The following PLPPR1 variants were observed in gnomAD, a reference collection of about 807,000 sequenced individuals.
PLPPR1 encodes phospholipid phosphatase-related protein type 1.
PLPPR1 carries 10 observed loss-of-function variants against 33.1 expected under a neutral mutation model. That is an observed-to-expected ratio of 0.30 (90% CI 0.19 to 0.51). The LOEUF is 0.51. Ranked by LOEUF, PLPPR1 falls within the 20% of genes least tolerant of loss-of-function variation. PLPPR1 has a pLI of 0.97. For synonymous variants in PLPPR1, 151 were observed against 151.0 expected, an observed-to-expected ratio of 1.00 and a Z score of 0.00; for missense variants, 304 against 408.1, an observed-to-expected ratio of 0.74 and a Z score of 2.20.
chr9:101,099,083 A>AGGCCGGGCGCG (rs1564144178), intron 1 of PLPPR1, among the ~76,000 whole-genome samples: 3 of 150,446 alleles, frequency 2.0e-5, no homozygotes, highest in African/African-American at 7.4e-5. Flanking sequence ...AAATAAGTCT[A>AGGCCGGGCGCG]ATGGATGTGG....
intron 2 of PLPPR1, among the ~76,000 whole-genome samples, chr9:101,200,330 C>T (rs1826469879): frequency 6.6e-6 from 1 of 152,102 alleles, no homozygotes; most frequent in South Asian, 2.1e-4. Flanking sequence ...CTCCCTTTCC[C>T]ATCCTATCCC....
At position 101,138,447 on chromosome 9, in the gene PLPPR1, G is replaced by A. The variant is rs143535677; in HGVS notation, c.-45-47003G>A. ...ATTGAAAGAATTAATGAATTTAAAG[G>A]TTTACTGCATGCTGGGTGCTGTACT... On this transcript the variant is annotated intron_variant, in intron 1 of 7. Transcript: ENST00000374874. 3.9e-5 allele frequency among the ~76,000 whole-genome samples: 6 copies of A among 152,224 alleles called. No homozygotes were observed. The East Asian group carries it at 5.8e-4, about 15-fold the overall frequency.
chr9:101,128,090 G>C (rs891189610), intron 1 of PLPPR1, among the ~76,000 whole-genome samples: 6 of 152,186 alleles, frequency 3.9e-5, no homozygotes, highest in African/African-American at 1.4e-4. Flanking sequence ...TAAGCACTAT[G>C]AGAATTGTGC....
At chr9:101,121,977 A>G (rs1831182577) in intron 1 of PLPPR1, among the ~76,000 whole-genome samples, 3 of 152,236 alleles carry the variant, frequency 2.0e-5, no homozygotes, top group African/African-American at 7.2e-5. Flanking sequence ...GGCCAGTGCC[A>G]CACCAAGGAA....
At chr9:101,144,900 A>T (rs769174928) in intron 1 of PLPPR1, among the ~76,000 whole-genome samples, 4 of 152,216 alleles carry the variant, frequency 2.6e-5, no homozygotes, top group Non-Finnish European at 5.9e-5. Context: ...TACTCACAGC[A>T]CTTTCAACAT....
intron 1 of PLPPR1, among the ~76,000 whole-genome samples, chr9:101,118,351 A>G (rs1167578957): frequency 1.3e-5 from 2 of 152,220 alleles, no homozygotes; most frequent in East Asian, 1.9e-4. Flanking sequence ...TTCAGACCTT[A>G]CAGATCAAAA....
At chr9:101,257,430 A>G (rs1023477932) in intron 2 of PLPPR1, among the ~76,000 whole-genome samples, 3 of 152,178 alleles carry the variant, frequency 2.0e-5, no homozygotes, top group Non-Finnish European at 4.4e-5. Flanking sequence ...GCCTGTGCTA[A>G]ACTGGGGTTA....
chr9:101,135,530 C>T (rs969361337), intron 1 of PLPPR1, among the ~76,000 whole-genome samples: 1 of 152,158 alleles, frequency 6.6e-6, no homozygotes, highest in Non-Finnish European at 1.5e-5. Flanking sequence ...TACCAACTAC[C>T]TCAAGATCAA....
chr9:101,122,357 A>G (rs1259332425), intron 1 of PLPPR1, among the ~76,000 whole-genome samples: 1 of 152,198 alleles, frequency 6.6e-6, no homozygotes, highest in Non-Finnish European at 1.5e-5. Flanking sequence ...TAATAATATT[A>G]CCAGCAAACA....
At chr9:101,046,564 C>T (rs754230477) in intron 1 of PLPPR1, among the ~76,000 whole-genome samples, 17 of 151,632 alleles carry the variant, frequency 1.1e-4, no homozygotes, top group Admixed American at 5.3e-4. Flanking sequence ...CTCAGCCTCC[C>T]GAGTAGCTGG....
chr9:101,189,834 T>C (rs1305029690), intron 2 of PLPPR1, among the ~76,000 whole-genome samples: 1 of 152,154 alleles, frequency 6.6e-6, no homozygotes, highest in Non-Finnish European at 1.5e-5. Context: ...TTAGTTTGTC[T>C]TTAATTATAT....
intron 4 of PLPPR1, among the ~76,000 whole-genome samples, chr9:101,305,935 G>A (rs895069820): frequency 1.3e-5 from 2 of 152,086 alleles, no homozygotes; most frequent in Non-Finnish European, 2.9e-5. Context: ...GTAAAACCCT[G>A]AGAAAAAAGT....
intron 1 of PLPPR1, among the ~76,000 whole-genome samples, chr9:101,131,934 C>G (rs982144198): frequency 7.2e-5 from 11 of 152,200 alleles, no homozygotes; most frequent in Non-Finnish European, 1.5e-4. Flanking sequence ...GTGTCTGCCT[C>G]ATAGCATTGT....
intron 1 of PLPPR1, among the ~76,000 whole-genome samples, chr9:101,055,561 T>A (rs1245516929): frequency 6.6e-6 from 1 of 152,244 alleles, no homozygotes; most frequent in Non-Finnish European, 1.5e-5. Flanking sequence ...TCTTAAATAC[T>A]TTATGCTATC....
chr9:101,077,683 C>T (rs1416421238), intron 1 of PLPPR1, among the ~76,000 whole-genome samples: 7 of 152,046 alleles, frequency 4.6e-5, no homozygotes, highest in African/African-American at 1.4e-4. Flanking sequence ...GACAATCCCA[C>T]GAGGAGCTCC....
chr9:101,203,718 T>TTATATAGATATGTTATCTATCTATCTATA (rs1826535491), intron 2 of PLPPR1, among the ~76,000 whole-genome samples: 2 of 144,982 alleles, frequency 1.4e-5, no homozygotes, highest in African/African-American at 2.5e-5. Flanking sequence ...TATATACACA[T>TTATATAGATATGTTATCTATCTATCTATA]TATATAGATA....
intron 1 of PLPPR1, among the ~76,000 whole-genome samples, chr9:101,032,258 A>C (rs781085285): frequency 6.6e-6 from 1 of 152,148 alleles, no homozygotes; most frequent in Non-Finnish European, 1.5e-5. Context: ...AAAGTTGAGA[A>C]AGTTTGAGAC....
Position 101,088,585 on chromosome 9 carries a change from T to C in PLPPR1, c.-46+59483T>C, listed in dbSNP as rs566350681. Among the ~76,000 whole-genome samples, 6 of 152,302 alleles carry C rather than the reference T, an allele frequency of 3.9e-5. No homozygotes were observed. The South Asian group carries it at 1.0e-3, about 26-fold the overall frequency. On this transcript the variant is annotated intron_variant, in intron 1 of 7. Coordinates refer to ENST00000374874, the MANE Select transcript of PLPPR1 (RefSeq NM_207299.2). ...TTTAAAAAAAATAAAACGCAGAGTTTGGTTCTGTAATATTGAGCAACTGTT... is the reference window on the plus strand; with the variant it reads ...TTTAAAAAAAATAAAACGCAGAGTTCGGTTCTGTAATATTGAGCAACTGTT...
intron 1 of PLPPR1, among the ~76,000 whole-genome samples, chr9:101,183,781 G>A (rs1428926449): frequency 1.3e-5 from 2 of 151,438 alleles, no homozygotes; most frequent in South Asian, 2.1e-4. Context: ...AATGAAAATA[G>A]AGGGGAATTT....
Sources: gnomAD v4.1 joint callset for allele counts (sites outside exome capture counted in the v4.1 genomes callset) on GRCh38, gnomAD v4.1.1 for gene constraint, MANE v1.5 for transcripts, NCBI Gene and HGNC (gene_info 2026-07-23, HGNC 2026-07-21) for gene names.